KIRREL1: variants seen among roughly 807,000 people sequenced by gnomAD.
KIRREL1 encodes kirre like nephrin family adhesion molecule 1.
In KIRREL1, 25 loss-of-function variants were observed where a neutral mutation model predicts 83.3. The ratio of observed to expected loss-of-function variants is 0.30; its 90% CI spans 0.22 to 0.42. The LOEUF is 0.42. KIRREL1 is among the 10% of genes least tolerant of loss of function. The pLI is 1.00. For missense variants in KIRREL1, 812 were observed against 1,032.3 expected (o/e 0.79, Z 2.92); for synonymous variants, 388 against 410.4 (o/e 0.95, Z 0.66).
chr1:158,066,591 T>C (rs1390329698), intron 1 of KIRREL1, among the ~76,000 whole-genome samples: 4 of 152,198 alleles, frequency 2.6e-5, no homozygotes, highest in Non-Finnish European at 5.9e-5. Flanking sequence ...TGGGAATTGC[T>C]GGAAAGCCAA....
At chr1:158,092,740 A>T (rs970768301) in intron 11 of KIRREL1, among the ~76,000 whole-genome samples, 1 of 152,118 alleles carries the variant, frequency 6.6e-6, no homozygotes, top group African/African-American at 2.4e-5. Context: ...ACAGGGAAAG[A>T]TCTCAGAGGG....
intron 1 of KIRREL1, among the ~76,000 whole-genome samples, chr1:158,033,191 C>A (rs757692495): frequency 6.6e-6 from 1 of 152,202 alleles, no homozygotes; most frequent in Non-Finnish European, 1.5e-5. Context: ...CCTGCCTCAG[C>A]CTCCCCAGTA....
Position 158,088,452 on chromosome 1 carries a change from A to G in KIRREL1, c.1042A>G (p.Met348Val). 1 of 1,453,642 alleles carries G rather than the reference A, an allele frequency of 6.9e-7. No homozygotes were observed. Among genetic ancestry groups the G allele is most frequent in the Non-Finnish European group, 9.4e-7 (1 of 1,063,002 alleles). The allele number at this position is 1,453,642 out of a possible 1,614,324, so 90.0% of individuals were successfully genotyped here. A position where few individuals can be genotyped will look rare whatever the true frequency, so the allele number is the denominator to read the frequency against. ...CACCTGGACCAAAAAGGACTCAAAT[A>G]TGGTAAGACTCTTACTGCCTGTTCT... The part of the protein sequence containing the change: ...TLTWTKKDSN[M>V]VLSNSNQLLL... The change falls in exon 8 of 15, where the codon ATG becomes GTG. Residue 348 changes from methionine (M) to valine (V), a missense_variant and splice_region_variant. By Grantham distance (21) the Met-to-Val change is conservative. Around this residue, in one of 3 missense-constraint regions of KIRREL1, gnomAD observed 472 missense variants for 626.8 expected, o/e 0.75. Coordinates refer to ENST00000359209, the MANE Select transcript of KIRREL1 (RefSeq NM_018240.7).
chr1:158,009,238 T>C (rs1211519603), intron 1 of KIRREL1, among the ~76,000 whole-genome samples: 1 of 152,190 alleles, frequency 6.6e-6, no homozygotes, highest in African/African-American at 2.4e-5. Context: ...CTTCTTTCCC[T>C]GGACATATTG....
intron 1 of KIRREL1, among the ~76,000 whole-genome samples, chr1:158,015,800 AT>A (rs546600144): frequency 6.6e-4 from 100 of 152,282 alleles, no homozygotes; most frequent in Non-Finnish European, 1.2e-3. Flanking sequence ...TATTTAGTAT[AT>A]TAGTTTTACC....
At chr1:158,060,624 T>G (rs762719679) in intron 1 of KIRREL1, among the ~76,000 whole-genome samples, 3 of 152,178 alleles carry the variant, frequency 2.0e-5, no homozygotes, top group Non-Finnish European at 2.9e-5. Context: ...TGCTTGCCTC[T>G]TGGGCTGGAG....
At chr1:158,084,692 A>G in intron 4 of KIRREL1, 113 bp downstream of exon 4, 1 of 1,127,422 alleles carries the variant, frequency 8.9e-7, no homozygotes, top group East Asian at 2.6e-5. Context: ...GAGGGGTCTT[A>G]GAGGTCATCT....
chr1:158,069,762 G>A (rs551674066), intron 1 of KIRREL1, among the ~76,000 whole-genome samples: 1 of 152,336 alleles, frequency 6.6e-6, no homozygotes, highest in Non-Finnish European at 1.5e-5. Flanking sequence ...CTTACCAGCT[G>A]TGTGACTAGA....
intron 1 of KIRREL1, among the ~76,000 whole-genome samples, chr1:158,047,389 G>C (rs1348305809): frequency 6.6e-6 from 1 of 152,136 alleles, no homozygotes; most frequent in Non-Finnish European, 1.5e-5. Context: ...GGGAATGGGG[G>C]TTCAGGGGAA....
chr1:158,080,038 T>TA (rs911472523), intron 3 of KIRREL1, among the ~76,000 whole-genome samples: 2 of 152,162 alleles, frequency 1.3e-5, no homozygotes, highest in African/African-American at 4.8e-5. Context: ...GGAATGAGGT[T>TA]AGACAGCAAA....
intron 3 of KIRREL1, among the ~76,000 whole-genome samples, chr1:158,079,165 AT>A (rs1661773839): frequency 6.6e-6 from 1 of 151,352 alleles, no homozygotes; most frequent in Non-Finnish European, 1.5e-5. Context: ...TTCTGCCTCC[AT>A]TTGATATGTT....
At chr1:158,076,401 T>C (rs1661683187) in intron 2 of KIRREL1, 139 bp downstream of exon 2, 4 of 759,142 alleles carry the variant, frequency 5.3e-6, no homozygotes, top group Admixed American at 4.5e-5. Flanking sequence ...CTGTCTCTGC[T>C]ACTGAGCTCC....
chr1:157,994,360 A>G (rs1659130298), intron 1 of KIRREL1, among the ~76,000 whole-genome samples: 1 of 141,664 alleles, frequency 7.1e-6, no homozygotes, highest in African/African-American at 2.6e-5. Flanking sequence ...GGAGTTCCAC[A>G]TACAGCTTCA....
chr1:158,074,267 G>A (rs927123088), intron 1 of KIRREL1, among the ~76,000 whole-genome samples: 1 of 152,032 alleles, frequency 6.6e-6, no homozygotes, highest in South Asian at 2.1e-4. Context: ...TAACTTCCTG[G>A]CCCCTGCAGA....
At chr1:158,042,397 G>A (rs1200809890) in intron 1 of KIRREL1, among the ~76,000 whole-genome samples, 1 of 152,128 alleles carries the variant, frequency 6.6e-6, no homozygotes, top group Non-Finnish European at 1.5e-5. Context: ...TAAGATATTT[G>A]GAAGAATCTT....
chr1:158,094,503 GT>G lies in KIRREL1; in HGVS notation c.1797+118del. On this transcript the variant is annotated intron_variant, in intron 14 of 14. Coordinates refer to ENST00000359209, the MANE Select transcript of KIRREL1 (RefSeq NM_018240.7). The surrounding 1 kb of genome is among the most constrained non-coding windows in gnomAD (Gnocchi z 4.6). ...GACTTGGGGAGGAGTGGTTGGGAGG[GT>G]TTTTGAAGGAGCAGAGGAGGTGGAA... The G allele has an allele frequency of 7.6e-7, 1 of 1,307,908 alleles. No individual in the cohort carries two copies. Among genetic ancestry groups the G allele is most frequent in the Non-Finnish European group, 1.1e-6 (1 of 905,400 alleles). 81.0% of individuals were successfully genotyped at this position (1,307,908 alleles called of 1,614,324 possible).
chr1:158,037,483 C>A (rs141914076), intron 1 of KIRREL1, among the ~76,000 whole-genome samples: 1 of 123,736 alleles, frequency 8.1e-6, no homozygotes, highest in Non-Finnish European at 1.6e-5. Context: ...CAAAGCAAGA[C>A]TCTGGCAAAA....
At chr1:158,059,246 C>G (rs1210571584) in intron 1 of KIRREL1, among the ~76,000 whole-genome samples, 2 of 152,214 alleles carry the variant, frequency 1.3e-5, no homozygotes, top group African/African-American at 2.4e-5. Context: ...CTCTTCAGAT[C>G]TAACTCATTC....
At chr1:158,029,372 T>TGTGTGTGTGTGTGTGTGTGTGTGC (rs1190966368) in intron 1 of KIRREL1, among the ~76,000 whole-genome samples, 4 of 149,396 alleles carry the variant, frequency 2.7e-5, no homozygotes, top group Non-Finnish European at 5.9e-5. Context: ...TGTGTGCACG[T>TGTGTGTGTGTGTGTGTGTGTGTGC]GCGCGCGCAT....
Sources: allele counts gnomAD v4.1 joint callset (sites outside exome capture counted in the v4.1 genomes callset), GRCh38; gene constraint gnomAD v4.1.1; regional missense constraint gnomAD v4.1.1; non-coding constraint Gnocchi (gnomAD v3.1); transcripts MANE v1.5; gene names NCBI Gene and HGNC (gene_info 2026-07-23, HGNC 2026-07-21).